Variants in FGF14 observed in about 807,000 individuals in gnomAD.
FGF14 encodes fibroblast growth factor homologous factor 4.
A neutral mutation model predicts 25.5 loss-of-function variants in FGF14; 5 were observed. The observed-to-expected ratio is 0.20, with a 90% confidence interval of 0.10 to 0.41. FGF14 has a LOEUF of 0.41. FGF14 is among the 10% of genes least tolerant of loss of function. The pLI is 1.00. For missense variants in FGF14, 222 were observed against 320.1 expected, an observed-to-expected ratio of 0.69 and a Z score of 2.34; for synonymous variants, 138 against 118.3, an observed-to-expected ratio of 1.17 and a Z score of -1.08.
chr13:102,167,026 G>A (rs1319360571), intron 1 of FGF14, among the ~76,000 whole-genome samples: 1 of 152,046 alleles, frequency 6.6e-6, no homozygotes, highest in African/African-American at 2.4e-5. Flanking sequence ...GAATTGGCAG[G>A]GTGCAGTGGT....
chr13:102,002,703 T>G (rs751346348), intron 1 of FGF14: 2 of 152,582 alleles, frequency 1.3e-5, no homozygotes, highest in African/African-American at 4.8e-5. Flanking sequence ...CTTGTCTTCT[T>G]TGGTAAAGAG....
intron 1 of FGF14, among the ~76,000 whole-genome samples, chr13:102,271,413 T>C (rs2141162525): frequency 6.6e-6 from 1 of 152,298 alleles, no homozygotes; most frequent in Middle Eastern, 3.4e-3. Flanking sequence ...TGAACATTTA[T>C]AACTCTGAGC....
chr13:102,274,925 G>A (rs922148746), intron 1 of FGF14, among the ~76,000 whole-genome samples: 1 of 149,836 alleles, frequency 6.7e-6, no homozygotes, highest in Admixed American at 6.7e-5. Flanking sequence ...ATTAAATAAT[G>A]ACGAGTAAAA....
chr13:101,833,448 C>T (rs944772408), intron 3 of FGF14, among the ~76,000 whole-genome samples: 12 of 151,870 alleles, frequency 7.9e-5, no homozygotes, highest in East Asian at 1.9e-4. Context: ...CTTGGGGATA[C>T]GGAGTTGAGG....
Position 102,211,848 on chromosome 13 carries a change from A to G in FGF14, c.208+189623T>C, listed in dbSNP as rs1468668331. ...AAGCACTCTAGATCGCTTTTCATACATAGGACTTCAATTCTGAGACTGCCT... is the reference window on the plus strand; with the variant it reads ...AAGCACTCTAGATCGCTTTTCATACGTAGGACTTCAATTCTGAGACTGCCT... On this transcript the variant is annotated intron_variant, in intron 1 of 4. Transcript: ENST00000376131. 2.0e-5 allele frequency among the ~76,000 whole-genome samples: 3 copies of G among 152,202 alleles called. No individual in the cohort carries two copies. In the East Asian group the frequency reaches 5.8e-4, roughly 29 times the overall value.
chr13:101,931,597 C>T (rs1437090137), intron 1 of FGF14, among the ~76,000 whole-genome samples: 1 of 152,174 alleles, frequency 6.6e-6, no homozygotes, highest in Non-Finnish European at 1.5e-5. Flanking sequence ...TGCATCCAGT[C>T]TACCCTCAGC....
rs150080691 is a variant in FGF14 at position 102,254,806 on chromosome 13, G to A, written c.208+146665C>T. On this transcript the variant is annotated intron_variant, in intron 1 of 4. Coordinates refer to the FGF14 transcript ENST00000376131. ...CAAATGTCCCCTGAGGAGCAAAATG[G>A]CTCCCAGTTGGGAACCACTGACATA... Among the ~76,000 whole-genome samples, 1,514 of 152,228 alleles carry A rather than the reference G, an allele frequency of 9.9e-3. 20 individuals are homozygous for A. The highest frequency in any genetic ancestry group is 0.034 in the African/African-American group (1,407 of 41,554).
intron 1 of FGF14, chr13:102,368,107 G>A (rs1312404950): frequency 6.6e-6 from 1 of 152,174 alleles, no homozygotes; most frequent in Non-Finnish European, 1.5e-5. Flanking sequence ...CCTGGCATCA[G>A]AGTAAACTTT....
chr13:101,986,747 C>T (rs187838632), intron 1 of FGF14, among the ~76,000 whole-genome samples: 136 of 152,168 alleles, frequency 8.9e-4, no homozygotes, highest in African/African-American at 2.9e-3. Flanking sequence ...GTCTCATAGA[C>T]GTGTCAAACC....
At chr13:102,115,757 C>T (rs518722) in intron 1 of FGF14, among the ~76,000 whole-genome samples, 80,696 of 151,740 alleles carry the variant, frequency 0.53, 22,860 homozygotes, top group East Asian at 0.75. Flanking sequence ...GACAAGATCA[C>T]TTGTACACCA....
At chr13:101,783,245 G>T (rs1030937415) in intron 3 of FGF14, among the ~76,000 whole-genome samples, 2 of 152,008 alleles carry the variant, frequency 1.3e-5, no homozygotes, top group Non-Finnish European at 2.9e-5. Flanking sequence ...GCTGAGGCGG[G>T]TGGATCACAA....
intron 2 of FGF14, among the ~76,000 whole-genome samples, chr13:101,872,910 T>C (rs940813068): frequency 1.3e-5 from 2 of 152,104 alleles, no homozygotes; most frequent in African/African-American, 2.4e-5. Flanking sequence ...GATTTGCTTT[T>C]ACAAAGGGGA....
chr13:102,185,640 T>C (rs2140781441), intron 1 of FGF14, among the ~76,000 whole-genome samples: 1 of 152,294 alleles, frequency 6.6e-6, no homozygotes, highest in Admixed American at 6.5e-5. Flanking sequence ...CTAGATAAAT[T>C]TATCTATCAG....
chr13:101,741,621 C>T (rs1374913178), intron 3 of FGF14, among the ~76,000 whole-genome samples: 4 of 127,926 alleles, frequency 3.1e-5, no homozygotes, highest in South Asian at 2.6e-4. Flanking sequence ...GTTATGCTCA[C>T]ATTTTATTAC....
rs1235546300 is a variant in FGF14 at position 101,748,556 on chromosome 13, A to C, written c.409-21746T>G. On this transcript the variant is annotated intron_variant, in intron 3 of 4. Coordinates refer to ENST00000376143, the MANE Select transcript of FGF14 (RefSeq NM_004115.4). ...AACGTACACTAAAAGCCCATACTTT[A>C]CCACTATACAATACAGCCATGTAAA... is the stretch of plus-strand genomic sequence containing the variant. Among the ~76,000 whole-genome samples, 3 of 151,768 alleles carry C rather than the reference A, an allele frequency of 2.0e-5. No individual in the cohort carries two copies. In the East Asian group the frequency reaches 5.8e-4, roughly 29 times the overall value.
intron 1 of FGF14, among the ~76,000 whole-genome samples, chr13:102,359,416 T>C (rs1440353527): frequency 6.6e-6 from 1 of 152,302 alleles, no homozygotes. Flanking sequence ...CATATTATCA[T>C]AATTTTTAGT....
intron 1 of FGF14, among the ~76,000 whole-genome samples, chr13:102,051,046 A>T (rs2042194994): frequency 6.6e-6 from 1 of 152,142 alleles, no homozygotes; most frequent in South Asian, 2.1e-4. Flanking sequence ...CATTTATCTC[A>T]GTCTCAGAGC....
At chr13:101,748,357 T>C (rs1169722793) in intron 3 of FGF14, among the ~76,000 whole-genome samples, 1 of 151,988 alleles carries the variant, frequency 6.6e-6, no homozygotes, top group East Asian at 1.9e-4. Context: ...CTAGAGGTCA[T>C]TATCTTAAGT....
At chr13:101,932,069 T>C (rs1360569758) in intron 1 of FGF14, among the ~76,000 whole-genome samples, 1 of 152,200 alleles carries the variant, frequency 6.6e-6, no homozygotes, top group Non-Finnish European at 1.5e-5. Flanking sequence ...GCAATATCTT[T>C]TCAAAGATTT....
Sources: allele counts gnomAD v4.1 joint callset (sites outside exome capture counted in the v4.1 genomes callset), GRCh38; gene constraint gnomAD v4.1.1; transcripts MANE v1.5; gene names NCBI Gene and HGNC (gene_info 2026-07-23, HGNC 2026-07-21).